LMF1: variants seen among roughly 807,000 people sequenced by gnomAD.
LMF1 encodes the protein lipase maturation factor 1.
In LMF1, 68 loss-of-function variants were observed where a neutral mutation model predicts 60.6. The ratio of observed to expected loss-of-function variants is 1.12; its 90% CI spans 0.92 to 1.37. LMF1 has a LOEUF of 1.37. LMF1 is among the 40% of genes most tolerant of loss of function. The pLI is 0.00. For missense variants in LMF1, 948 were observed against 767.2 expected (o/e 1.24, Z -2.78); for synonymous variants, 418 against 324.7 (o/e 1.29, Z -3.09).
intron 2 of LMF1, among the ~76,000 whole-genome samples, chr16:951,408 A>C (rs919881662): frequency 2.0e-5 from 3 of 152,264 alleles, no homozygotes; most frequent in Non-Finnish European, 4.4e-5. Context: ...GCGACTTCAG[A>C]TACTATAGCA....
At chr16:943,287 A>G (rs8062750) in intron 2 of LMF1, among the ~76,000 whole-genome samples, 1 of 150,044 alleles carries the variant, frequency 6.7e-6, no homozygotes, top group African/African-American at 2.5e-5. Context: ...AGGAGAATGG[A>G]GTGAACCCAG....
chr16:889,984 T>C (rs1178107179), intron 5 of LMF1, among the ~76,000 whole-genome samples: 10 of 152,100 alleles, frequency 6.6e-5, no homozygotes, highest in Non-Finnish European at 1.0e-4. Flanking sequence ...TGCATCCCTC[T>C]CCCGGGGTCC....
intron 9 of LMF1, 60 bp from the exon 10 acceptor site, chr16:869,116 C>G: frequency 2.6e-6 from 3 of 1,143,982 alleles, no homozygotes; most frequent in Non-Finnish European, 2.7e-6. Flanking sequence ...CACAGCCCCT[C>G]CGGACGCTCG....
In LMF1 at chr16:919,876, C is replaced by T. The variant is rs554950197; in HGVS notation, c.515-8797G>A. On this transcript the variant is annotated intron_variant, in intron 3 of 10. Transcript: ENST00000262301. ...ATGGGCTCCCCACCCCACAGCTCCG[C>T]CCCGGGACCCCCTTCCTCCGAGGCA... Among the ~76,000 whole-genome samples, 10 of 152,172 alleles carry T rather than the reference C, an allele frequency of 6.6e-5. No homozygotes were observed. In the East Asian group the frequency reaches 7.8e-4, roughly 12 times the overall value.
intron 1 of LMF1, 122 bp from the exon 2 acceptor site, chr16:954,788 T>A: frequency 1.1e-6 from 1 of 893,192 alleles, no homozygotes; most frequent in Non-Finnish European, 1.7e-6. Context: ...GGCTGACGGT[T>A]TGGGGCCAAA....
chr16:944,985 G>A (rs529855370), intron 2 of LMF1, among the ~76,000 whole-genome samples: 93 of 149,730 alleles, frequency 6.2e-4, no homozygotes, highest in African/African-American at 2.0e-3. Flanking sequence ...AGGCCAAGGC[G>A]GGTGGATCAC....
chr16:981,221 C>T, exon 1 of LMF1: 1 of 455,112 alleles, frequency 2.2e-6, no homozygotes, highest in Non-Finnish European at 4.4e-6. Flanking sequence ...TGTCCTGGAC[C>T]GCAGGCAGCA....
Position 871,159 on chromosome 16 carries a change from A to G in LMF1, c.1078+2T>C, listed in dbSNP as rs1180690993. ...GCAGGGGCCCCCAGCTGAGCCACCT[A>G]CCGAATCTGGGCTCGGGCCGGGCCC... is the stretch of plus-strand genomic sequence containing the variant. On this transcript the variant is annotated splice_donor_variant, in intron 7 of 10. Coordinates refer to ENST00000262301, the MANE Select transcript of LMF1 (RefSeq NM_022773.4). LOFTEE classifies it high-confidence loss of function. 5.1e-6 allele frequency: 8 copies of G among 1,581,396 alleles called. No individual in the cohort carries two copies. The highest frequency in any genetic ancestry group is 1.8e-5 in the Admixed American group (1 of 56,498).
At chr16:872,171 G>T (rs896960919) in intron 6 of LMF1, 2 of 152,222 alleles carry the variant, frequency 1.3e-5, no homozygotes, top group Admixed American at 6.5e-5. Flanking sequence ...TTGCGTGGCC[G>T]GTCGCCCTGC....
intron 1 of LMF1, among the ~76,000 whole-genome samples, chr16:977,999 C>T (rs1166714259): frequency 4.3e-5 from 6 of 139,440 alleles, no homozygotes; most frequent in Admixed American, 7.2e-5. Context: ...CACGCACACA[C>T]ACACACCACA....
Position 871,327 on chromosome 16 carries a change from G to C in LMF1, c.912C>G (p.Val304=), listed in dbSNP as rs1348946448. The C allele has an allele frequency of 6.2e-7, 1 of 1,612,256 alleles. No individual in the cohort carries two copies. The highest frequency in any genetic ancestry group is 8.5e-7 in the Non-Finnish European group (1 of 1,179,780). The change falls in exon 7 of 11, where the codon GTC becomes GTG. Residue 304 remains valine, a synonymous_variant. Coordinates refer to ENST00000262301, the MANE Select transcript of LMF1 (RefSeq NM_022773.4). The part of the protein sequence containing the change: ...LQILFQAVLI[V]SGNLSFLNWL... ...AGTTCAGGAAGCTGAGGTTCCCGCT[G>C]ACGATGAGGACGGCCTGTGGAGACG...
rs554382681 is a variant in LMF1, at chr16:940,487, G to A, written c.504-6233C>T. Reference sequence around the variant, plus strand: ...GTCCTGCCTGGGACGACGACCACAGGAAACAGCTGGGAAACCCCAAAGAGG... The same window carrying A: ...GTCCTGCCTGGGACGACGACCACAGAAAACAGCTGGGAAACCCCAAAGAGG... On this transcript the variant is annotated intron_variant, in intron 2 of 10. Coordinates refer to ENST00000262301, the MANE Select transcript of LMF1 (RefSeq NM_022773.4). Among the ~76,000 whole-genome samples the A allele has an allele frequency of 2.0e-5, 3 of 152,280 alleles. No individual in the cohort carries two copies. The South Asian group carries it at 6.2e-4, about 32-fold the overall frequency.
At chr16:879,485 C>T in intron 6 of LMF1, 85 bp downstream of exon 6, 1 of 1,490,672 alleles carries the variant, frequency 6.7e-7, no homozygotes, top group Non-Finnish European at 9.1e-7. Flanking sequence ...GCCCCAGGGT[C>T]CTCCCAGAGA....
chr16:861,569 T>A (rs1402266430), intron 10 of LMF1, among the ~76,000 whole-genome samples: 4 of 152,100 alleles, frequency 2.6e-5, no homozygotes, highest in African/African-American at 9.7e-5. Context: ...TATGTTAGGC[T>A]GGTCTTGAAC....
intron 7 of LMF1, 94 bp downstream of exon 7, chr16:871,067 C>T: frequency 1.4e-6 from 2 of 1,429,164 alleles, no homozygotes; most frequent in East Asian, 2.5e-5. Flanking sequence ...CTCCTCCTAC[C>T]CTGGCGTCCC....
chr16:927,701 C>T (rs1040913690), intron 3 of LMF1, among the ~76,000 whole-genome samples: 5 of 152,332 alleles, frequency 3.3e-5, no homozygotes, highest in South Asian at 4.1e-4. Context: ...GATCGCTTCC[C>T]GCAGGCAGGC....
chr16:977,860 T>TCACA, intron 1 of LMF1, among the ~76,000 whole-genome samples: 1 of 130,388 alleles, frequency 7.7e-6, no homozygotes, highest in East Asian at 2.5e-4. Flanking sequence ...ACACCACACA[T>TCACA]CACAAACACA....
intron 1 of LMF1, among the ~76,000 whole-genome samples, chr16:958,613 G>A (rs1357063481): frequency 6.6e-6 from 1 of 152,230 alleles, no homozygotes; most frequent in Non-Finnish European, 1.5e-5. Flanking sequence ...CAGGCCGGGC[G>A]CGGTGGCTCA....
At chr16:931,279 G>C (rs1309168002) in intron 3 of LMF1, among the ~76,000 whole-genome samples, 1 of 152,268 alleles carries the variant, frequency 6.6e-6, no homozygotes, top group African/African-American at 2.4e-5. Context: ...GCCGGGCTGG[G>C]TGGGGGCCCT....
Sources: gnomAD v4.1 joint callset for allele counts (sites outside exome capture counted in the v4.1 genomes callset) on GRCh38, gnomAD v4.1.1 for gene constraint, MANE v1.5 for transcripts, NCBI Gene and HGNC (gene_info 2026-07-23, HGNC 2026-07-21) for gene names.